FER: variants seen among roughly 807,000 people sequenced by gnomAD.
FER encodes the protein tyrosine-protein kinase Fer.
FER carries 63 observed loss-of-function variants against 111.0 expected under a neutral mutation model. The observed-to-expected ratio is 0.57, with a 90% CI of 0.46 to 0.70. FER has a LOEUF of 0.70. FER is among the 30% of genes least tolerant of loss of function. The probability of loss-of-function intolerance (pLI) is 0.00; values close to 1 mark genes in which losing one functional copy is unlikely to be tolerated. For missense variants in FER, 914 were observed against 954.0 expected, an observed-to-expected ratio of 0.96 and a Z score of 0.55; for synonymous variants, 327 against 313.9, an observed-to-expected ratio of 1.04 and a Z score of -0.44.
chr5:108,874,766 GA>G (rs900109268), intron 8 of FER, among the ~76,000 whole-genome samples: 1 of 151,762 alleles, frequency 6.6e-6, no homozygotes, highest in African/African-American at 2.4e-5. Context: ...CCTGGAAAAA[GA>G]AATACAAATT....
chr5:109,033,565 G>A (rs527542834), intron 13 of FER, among the ~76,000 whole-genome samples: 5 of 152,128 alleles, frequency 3.3e-5, no homozygotes, highest in East Asian at 1.9e-4. Context: ...TTTCAGAGGC[G>A]TAAGTAAAGC....
intron 5 of FER, among the ~76,000 whole-genome samples, chr5:108,845,303 C>T (rs1217319081): frequency 1.3e-5 from 2 of 151,056 alleles, no homozygotes; most frequent in Non-Finnish European, 2.9e-5. Context: ...TCCTGAGTAG[C>T]TGGGACTACA....
At chr5:108,947,338 C>T (rs1488085347) in intron 11 of FER, among the ~76,000 whole-genome samples, 1 of 151,988 alleles carries the variant, frequency 6.6e-6, no homozygotes. Context: ...ATTTTGATTT[C>T]TCCACATTCT....
At chr5:109,082,924 TTTCTA>T (rs1191086809) in intron 16 of FER, among the ~76,000 whole-genome samples, 3 of 151,960 alleles carry the variant, frequency 2.0e-5, no homozygotes, top group Admixed American at 1.3e-4. Flanking sequence ...CCTTTACACT[TTTCTA>T]TTCTAAATGC....
At chr5:108,948,742 T>C (rs1344866896) in intron 11 of FER, among the ~76,000 whole-genome samples, 3 of 152,130 alleles carry the variant, frequency 2.0e-5, no homozygotes, top group Non-Finnish European at 4.4e-5. Flanking sequence ...GCAGAATTTC[T>C]ATAATGAGTG....
intron 3 of FER, among the ~76,000 whole-genome samples, chr5:108,831,348 A>G (rs1760025829): frequency 6.6e-6 from 1 of 152,032 alleles, no homozygotes; most frequent in Non-Finnish European, 1.5e-5. Flanking sequence ...ACTAGATGAA[A>G]AAGGCAAAGC....
intron 17 of FER, among the ~76,000 whole-genome samples, chr5:109,108,431 G>A (rs1445523508): frequency 6.6e-6 from 1 of 152,124 alleles, no homozygotes; most frequent in Non-Finnish European, 1.5e-5. Context: ...AATAAATGCT[G>A]ATTTAGAGAA....
intron 17 of FER, among the ~76,000 whole-genome samples, chr5:109,165,093 C>A (rs1358647934): frequency 6.6e-6 from 1 of 152,174 alleles, no homozygotes; most frequent in Non-Finnish European, 1.5e-5. Context: ...TCCATGAGGA[C>A]ATGAATTCTT....
chr5:108,772,854 T>G (rs192567996), intron 2 of FER, among the ~76,000 whole-genome samples: 100 of 152,344 alleles, frequency 6.6e-4, no homozygotes, highest in African/African-American at 2.3e-3. Context: ...AATAGTAGCT[T>G]TGGACATTAT....
intron 13 of FER, among the ~76,000 whole-genome samples, chr5:109,017,687 C>G (rs11955924): frequency 0.19 from 28,173 of 151,792 alleles, 2,773 homozygotes; most frequent in Non-Finnish European, 0.22. Context: ...ATCATCATTG[C>G]TCTTAAATGT....
intron 13 of FER, among the ~76,000 whole-genome samples, chr5:109,003,935 A>G (rs941787815): frequency 1.2e-4 from 19 of 152,226 alleles, no homozygotes; most frequent in Non-Finnish European, 2.4e-4. Context: ...AGCTGTGATC[A>G]TGCCACTGCA....
chr5:108,894,922 A>T (rs1286275765), intron 9 of FER, among the ~76,000 whole-genome samples: 1 of 152,122 alleles, frequency 6.6e-6, no homozygotes, highest in African/African-American at 2.4e-5. Context: ...ATACGTGGGA[A>T]TTAGGGGGGC....
intron 5 of FER, among the ~76,000 whole-genome samples, chr5:108,858,707 T>G (rs1424495175): frequency 6.6e-6 from 1 of 152,054 alleles, no homozygotes; most frequent in African/African-American, 2.4e-5. Context: ...TTTCCTTTGC[T>G]TCTCCATTGA....
intron 3 of FER, among the ~76,000 whole-genome samples, chr5:108,814,059 C>A (rs1364179556): frequency 1.3e-5 from 2 of 151,760 alleles, no homozygotes; most frequent in Non-Finnish European, 2.9e-5. Flanking sequence ...TTTATTCTTT[C>A]CTCTAGTTTT....
intron 2 of FER, among the ~76,000 whole-genome samples, chr5:108,794,535 C>CG (rs1458294201): frequency 2.4e-4 from 34 of 139,236 alleles, no homozygotes; most frequent in African/African-American, 5.2e-4. Context: ...CACCCCCCCC[C>CG]CTCCCCGCAC....
At chr5:109,175,736 T>G (rs1442758342) in intron 17 of FER, among the ~76,000 whole-genome samples, 1 of 152,076 alleles carries the variant, frequency 6.6e-6, no homozygotes, top group East Asian at 1.9e-4. Flanking sequence ...TCCAAGAAAC[T>G]CAAACAGCTC....
chr5:109,005,137 T>C (rs541978710), intron 13 of FER, among the ~76,000 whole-genome samples: 1 of 152,122 alleles, frequency 6.6e-6, no homozygotes, highest in Admixed American at 6.6e-5. Flanking sequence ...CATGACGAGA[T>C]GATGCAGCTG....
At chr5:108,898,773 T>C (rs1002754415) in intron 10 of FER, among the ~76,000 whole-genome samples, 19 of 151,730 alleles carry the variant, frequency 1.3e-4, no homozygotes, top group Non-Finnish European at 1.5e-4. Flanking sequence ...GCCACACACA[T>C]ACCTGGGACA....
chr5:109,139,339 C>CTTCT (rs760594735), intron 17 of FER, among the ~76,000 whole-genome samples: 15 of 121,502 alleles, frequency 1.2e-4, no homozygotes, highest in African/African-American at 4.5e-4. Flanking sequence ...TTTACTTCTC[C>CTTCT]TTCTTTCTTT....
Sources: gnomAD v4.1 joint callset for allele counts (sites outside exome capture counted in the v4.1 genomes callset) on GRCh38, gnomAD v4.1.1 for gene constraint, MANE v1.5 for transcripts, NCBI Gene and HGNC (gene_info 2026-07-23, HGNC 2026-07-21) for gene names.